Variants in FLACC1 observed in about 807,000 individuals in gnomAD.
The protein encoded by FLACC1 is flagellum-associated coiled-coil domain-containing protein 1.
In FLACC1, 66 loss-of-function variants were observed where a neutral mutation model predicts 62.8. The ratio of observed to expected loss-of-function variants is 1.05; its 90% CI spans 0.86 to 1.29. The LOEUF (loss-of-function observed/expected upper bound fraction) is 1.29, where lower values mean the gene tolerates loss of function less well. Ranked by LOEUF, FLACC1 falls within the 50% of genes most tolerant of loss-of-function variation. FLACC1 has a pLI of 0.00. For missense variants in FLACC1, 452 were observed against 489.1 expected (o/e 0.92, Z 0.71); for synonymous variants, 156 against 161.0 (o/e 0.97, Z 0.24).
At position 201,346,026 on chromosome 2, in the gene FLACC1, G is replaced by A. The variant is rs559121585; in HGVS notation, c.368+516C>T. Among the ~76,000 whole-genome samples, 13 of 152,226 alleles carry A rather than the reference G, an allele frequency of 8.5e-5. No homozygotes were observed. The highest frequency in any genetic ancestry group is 2.0e-4 in the Admixed American group (3 of 15,286). On this transcript the variant is annotated intron_variant, in intron 5 of 14. Transcript: ENST00000392257. This position sits in a 1 kb window ranked among gnomAD's most constrained non-coding sequence, Gnocchi z 4.0. Reference sequence around the variant, plus strand: ...CTAAAGCTATAAATATTAGCCGGGCGTCATGGTGCAAGCCTGTAATCCTAG... The same window carrying A: ...CTAAAGCTATAAATATTAGCCGGGCATCATGGTGCAAGCCTGTAATCCTAG...
intron 6 of FLACC1, among the ~76,000 whole-genome samples, chr2:201,342,713 G>T (rs1052621964): frequency 6.6e-6 from 1 of 152,142 alleles, no homozygotes; most frequent in Non-Finnish European, 1.5e-5. Context: ...GGTAGGTCTG[G>T]TCTCCTGTGC....
intron 10 of FLACC1, among the ~76,000 whole-genome samples, chr2:201,308,724 A>AT (rs1248512167): frequency 6.6e-6 from 1 of 152,234 alleles, no homozygotes; most frequent in African/African-American, 2.4e-5. Context: ...ACGTGGGAAT[A>AT]TAGAAGCTCT....
At chr2:201,348,717 A>G (rs953103056) in intron 3 of FLACC1, among the ~76,000 whole-genome samples, 1 of 152,062 alleles carries the variant, frequency 6.6e-6, no homozygotes, top group East Asian at 1.9e-4. Context: ...GAAACATTCT[A>G]TATAAACAAA....
chr2:201,289,420 G>T, intron 14 of FLACC1, 37 bp downstream of exon 14: 1 of 1,591,862 alleles, frequency 6.3e-7, no homozygotes, highest in South Asian at 1.1e-5. Context: ...CACTCCTAAA[G>T]AGAACTCAGC....
At chr2:201,358,038 C>T (rs1316395522), upstream of FLACC1, among the ~76,000 whole-genome samples, 1 of 151,886 alleles carries the variant, frequency 6.6e-6, no homozygotes, top group African/African-American at 2.4e-5. Context: ...TTTCATGATC[C>T]TGGTGGGTCA....
intron 7 of FLACC1, among the ~76,000 whole-genome samples, chr2:201,336,881 T>C (rs760928327): frequency 6.6e-6 from 1 of 152,350 alleles, no homozygotes; most frequent in Non-Finnish European, 1.5e-5. Context: ...TTTTGCTCTA[T>C]ATTTCCCTGA....
At chr2:201,343,965 T>A (rs549350800) in intron 6 of FLACC1, among the ~76,000 whole-genome samples, 32 of 152,354 alleles carry the variant, frequency 2.1e-4, no homozygotes, top group African/African-American at 7.7e-4. Flanking sequence ...TTAAGCTTTG[T>A]GGAAGAACTT....
intron 7 of FLACC1, among the ~76,000 whole-genome samples, chr2:201,341,707 A>G (rs2125609373): frequency 6.6e-6 from 1 of 152,230 alleles, no homozygotes; most frequent in South Asian, 2.1e-4. Flanking sequence ...TTAATATCAT[A>G]CATTATTATT....
At chr2:201,292,586 G>C (rs1392003227) in intron 12 of FLACC1, among the ~76,000 whole-genome samples, 1 of 152,174 alleles carries the variant, frequency 6.6e-6, no homozygotes, top group Non-Finnish European at 1.5e-5. Context: ...AAATTGTAAA[G>C]ACCATCGAGG....
At chr2:201,309,366 C>G (rs747102793) in intron 9 of FLACC1, 116 bp from the exon 10 acceptor site, 5 of 753,530 alleles carry the variant, frequency 6.6e-6, no homozygotes, top group Non-Finnish European at 9.2e-6. Context: ...TGGCCAGGGC[C>G]CATCACCATG....
intron 4 of FLACC1, among the ~76,000 whole-genome samples, chr2:201,347,648 A>AAAC (rs1950943074): frequency 1.3e-5 from 2 of 151,880 alleles, no homozygotes; most frequent in Non-Finnish European, 2.9e-5. Flanking sequence ...AAAACAAAAA[A>AAAC]AAGAAAGAAA....
intron 9 of FLACC1, among the ~76,000 whole-genome samples, chr2:201,310,230 C>A (rs1407163623): frequency 6.9e-6 from 1 of 144,604 alleles, no homozygotes; most frequent in Non-Finnish European, 1.5e-5. Flanking sequence ...ACGTCTTAGG[C>A]TCTGTTCTAT....
Position 201,323,805 on chromosome 2 carries a change from T to TAAAAAAAA in FLACC1, c.675+6664_675+6665insTTTTTTTT, listed in dbSNP as rs1576447085. Among the ~76,000 whole-genome samples, 37 of 79,228 alleles carry TAAAAAAAA rather than the reference T, an allele frequency of 4.7e-4. 1 individual carries two copies. The highest frequency in any genetic ancestry group is 5.7e-4 in the South Asian group (1 of 1,744). 52.0% of individuals were successfully genotyped at this position (79,228 alleles called of 152,430 possible). ...CTATCAAAAAAAAAAAAAAAAAAAG[T>TAAAAAAAA]AAGGAAGGAAGGAAGGAAAGAAAAG... On this transcript the variant is annotated intron_variant, in intron 9 of 14. Transcript: ENST00000392257.
rs759509797 is a variant in FLACC1, at chr2:201,351,367, TC to T, written c.37del (p.Asp13ThrfsTer10). On this transcript the variant is annotated frameshift_variant, in exon 2 of 15. Transcript: ENST00000392257. LOFTEE classifies it high-confidence loss of function. Reference sequence around the variant, plus strand: ...CTTCCGTGGTCCCAAGTTCCAGGGGTCCCAGCAGGTGCAGTAGATGAGAGGG... The same window carrying T: ...CTTCCGTGGTCCCAAGTTCCAGGGGTCCAGCAGGTGCAGTAGATGAGAGGG... ...PNPLIYCTCW[D>X]PWNLGPRKLI... 2 of 1,613,958 alleles carry T rather than the reference TC, an allele frequency of 1.2e-6. No individual in the cohort carries two copies. Among genetic ancestry groups the T allele is most frequent in the Non-Finnish European group, 1.7e-6 (2 of 1,180,006 alleles).
chr2:201,355,097 C>T (rs1951092969), intron 1 of FLACC1, among the ~76,000 whole-genome samples: 2 of 152,072 alleles, frequency 1.3e-5, no homozygotes, highest in Non-Finnish European at 1.5e-5. Context: ...CCAGCCTAGC[C>T]AACAGGGCGA....
At position 201,288,641 on chromosome 2, in the gene FLACC1, G is replaced by T; in HGVS notation, c.*14C>A. ...TGTGCCAACCATCTTCAACAATGCA[G>T]AGCAACTTTTTGTTTATGATTCTTG... On this transcript the variant is annotated 3_prime_UTR_variant, in exon 15 of 15. Transcript: ENST00000392257. 1 of 1,612,974 alleles carries T rather than the reference G, an allele frequency of 6.2e-7. No homozygotes were observed. The highest frequency in any genetic ancestry group is 1.1e-5 in the South Asian group (1 of 90,906).
chr2:201,314,969 T>A (rs187611393), intron 9 of FLACC1, among the ~76,000 whole-genome samples: 1 of 152,284 alleles, frequency 6.6e-6, no homozygotes. Flanking sequence ...TACAGTCTTT[T>A]TCAGGCAAAC....
chr2:201,328,080 T>C (rs1404537247), intron 9 of FLACC1, among the ~76,000 whole-genome samples: 2 of 152,106 alleles, frequency 1.3e-5, no homozygotes, highest in Admixed American at 6.5e-5. Context: ...CTGTATGATG[T>C]CACTTAAAAG....
Position 201,289,521 on chromosome 2 carries a change from C to A in FLACC1, c.1078G>T (p.Ala360Ser). 6.2e-7 allele frequency: 1 copy of A among 1,614,224 alleles called. No homozygotes were observed. Among genetic ancestry groups the A allele is most frequent in the Non-Finnish European group, 8.5e-7 (1 of 1,180,044 alleles). ...NLEKMLQTKF[A>S]ETEEKYKHTI... The stretch of plus-strand genomic sequence containing the variant: ...TGCTTATACTTTTCTTCAGTTTCAG[C>A]AAACTTGGTTTGAAGCATTTTCTCC... Residue 360 changes from alanine (A) to serine (S), a missense_variant, in exon 14 of 15, where the codon GCT (alanine) becomes TCT (serine). Physicochemically the swap from Ala to Ser is moderately conservative, Grantham distance 99. Coordinates refer to ENST00000392257, the MANE Select transcript of FLACC1 (RefSeq NM_001127391.3).
Sources: allele counts gnomAD v4.1 joint callset (sites outside exome capture counted in the v4.1 genomes callset), GRCh38; gene constraint gnomAD v4.1.1; non-coding constraint Gnocchi (gnomAD v3.1); transcripts MANE v1.5; gene names NCBI Gene and HGNC (gene_info 2026-07-23, HGNC 2026-07-21).